MID1: variants seen among roughly 807,000 people sequenced by gnomAD.
MID1 encodes E3 ubiquitin-protein ligase Midline-1.
MID1 carries 7 observed loss-of-function variants against 40.4 expected under a neutral mutation model. The ratio of observed to expected loss-of-function variants is 0.17; its 90% CI spans 0.10 to 0.33. MID1 has a LOEUF of 0.33. MID1 is among the 10% of genes least tolerant of loss of function. The pLI, the probability that MID1 is intolerant of heterozygous loss-of-function variation, is 1.00. For missense variants in MID1, 367 were observed against 558.5 expected (o/e 0.66, Z 3.46); for synonymous variants, 229 against 221.2 (o/e 1.04, Z -0.31).
At chrX:10,699,981 C>T (rs1322093396) in intron 1 of MID1, among the ~76,000 whole-genome samples, 5 of 109,533 alleles carry the variant, frequency 4.6e-5, no homozygotes, top group Non-Finnish European at 9.5e-5. Context: ...TGCCACCACG[C>T]CCGGCTAATT....
chrX:10,675,012 A>ATAGTTTTATATATTT (rs1202777203), intron 1 of MID1, among the ~76,000 whole-genome samples: 1 of 112,544 alleles, frequency 8.9e-6, no homozygotes, highest in Non-Finnish European at 1.9e-5. Flanking sequence ...TATATTTTAT[A>ATAGTTTTATATATTT]ACCTATAGTT....
chrX:10,476,316 G>A (rs1296771541), intron 5 of MID1, among the ~76,000 whole-genome samples: 1 of 110,643 alleles, frequency 9.0e-6, no homozygotes, highest in Non-Finnish European at 1.9e-5. Flanking sequence ...ACACAACAAT[G>A]TGAATGTCCT....
chrX:10,600,666 A>G (rs1935502597), intron 1 of MID1, among the ~76,000 whole-genome samples: 1 of 111,931 alleles, frequency 8.9e-6, no homozygotes, highest in African/African-American at 3.3e-5. Context: ...TCTTACACCA[A>G]CTGTTGCTTC....
chrX:10,593,762 G>GAC (rs57390547), intron 1 of MID1, among the ~76,000 whole-genome samples: 4,913 of 83,154 alleles, frequency 0.059, 130 homozygotes, highest in South Asian at 0.1. Context: ...CTGTCCCTCT[G>GAC]ACACACACAC....
At chrX:10,784,531 C>T (rs1428314223) in intron 1 of MID1, among the ~76,000 whole-genome samples, 9 of 105,396 alleles carry the variant, frequency 8.5e-5, no homozygotes, top group African/African-American at 2.8e-4. Context: ...CTGCAACCTC[C>T]GCCTCCTGGG....
At chrX:10,463,400 C>T (rs756416595) in intron 7 of MID1, among the ~76,000 whole-genome samples, 1 of 111,685 alleles carries the variant, frequency 9.0e-6, no homozygotes, top group Non-Finnish European at 1.9e-5. Flanking sequence ...GGAGCTACAG[C>T]CAGGTTTTGA....
intron 1 of MID1, among the ~76,000 whole-genome samples, chrX:10,778,388 A>ATT (rs1198113016): frequency 1.8e-5 from 2 of 111,531 alleles, no homozygotes; most frequent in African/African-American, 3.3e-5. Flanking sequence ...AGATATATAT[A>ATT]TATTAATAAA....
chrX:10,689,757 A>G (rs768491365), intron 1 of MID1, among the ~76,000 whole-genome samples: 6 of 106,122 alleles, frequency 5.7e-5, no homozygotes, highest in African/African-American at 2.1e-4. Context: ...GTGCCTCTTC[A>G]TGTGGTAGGG....
intron 1 of MID1, among the ~76,000 whole-genome samples, chrX:10,822,511 C>T (rs1459269909): frequency 8.9e-6 from 1 of 111,834 alleles, no homozygotes; most frequent in Non-Finnish European, 1.9e-5. Flanking sequence ...TAAAGAGCTT[C>T]TGCACAGAAA....
intron 1 of MID1, among the ~76,000 whole-genome samples, chrX:10,759,724 C>T (rs1437438489): frequency 1.8e-5 from 2 of 111,621 alleles, no homozygotes; most frequent in Non-Finnish European, 3.8e-5. Flanking sequence ...CAGGAATCTG[C>T]ACCCATTTCA....
chrX:10,586,535 C>T (rs758348292), intron 1 of MID1, among the ~76,000 whole-genome samples: 53 of 111,870 alleles, frequency 4.7e-4, no homozygotes, highest in Admixed American at 2.8e-3. Flanking sequence ...AGTAAGGTGG[C>T]GGGGTTTAGA....
At chrX:10,505,712 TAAGGG>T in intron 3 of MID1, 1 of 754,224 alleles carries the variant, frequency 1.3e-6, no homozygotes, top group Non-Finnish European at 1.6e-6. Flanking sequence ...GTGACGTGTT[TAAGGG>T]AAGGGAAGTT....
At position 10,487,670 on chromosome X, in the gene MID1, G is replaced by T. The variant is rs1930693338; in HGVS notation, c.865-5042C>A. Among the ~76,000 whole-genome samples the T allele has an allele frequency of 2.7e-5, 3 of 111,128 alleles. No individual in the cohort carries two copies. The South Asian group carries it at 1.1e-3, about 42-fold the overall frequency. ...CTTTCCTGTCATCCCATCCCTAAAA[G>T]CAATCATTGATTTGCTTTTTGTCAC... On this transcript the variant is annotated intron_variant, in intron 4 of 9. Transcript: ENST00000317552.
At chrX:10,508,042 C>G (rs1368059407) in intron 3 of MID1, among the ~76,000 whole-genome samples, 1 of 112,225 alleles carries the variant, frequency 8.9e-6, no homozygotes, top group African/African-American at 3.2e-5. Context: ...AAGATGCTAT[C>G]AATGTACAGG....
chrX:10,793,667 C>T (rs948134949), intron 1 of MID1, among the ~76,000 whole-genome samples: 1 of 111,918 alleles, frequency 8.9e-6, no homozygotes, highest in East Asian at 2.8e-4. Context: ...GAGGCCCCAG[C>T]TCCATTGGCT....
chrX:10,678,143 C>T (rs779792032), intron 1 of MID1, among the ~76,000 whole-genome samples: 6 of 111,293 alleles, frequency 5.4e-5, no homozygotes, highest in Non-Finnish European at 7.5e-5. Flanking sequence ...CTTTGTTATA[C>T]GCAATTTAAG....
chrX:10,559,405 CAT>C (rs1226989072), intron 2 of MID1, among the ~76,000 whole-genome samples: 6 of 112,444 alleles, frequency 5.3e-5, no homozygotes, highest in Non-Finnish European at 1.1e-4. Context: ...TTTTAGAAGA[CAT>C]GTGTCTGAGT....
At chrX:10,725,714 T>C (rs957012173) in intron 1 of MID1, among the ~76,000 whole-genome samples, 1 of 111,153 alleles carries the variant, frequency 9.0e-6, no homozygotes, top group Admixed American at 9.6e-5. Flanking sequence ...CAAAAATTTG[T>C]TGGGCGTGGT....
intron 2 of MID1, among the ~76,000 whole-genome samples, chrX:10,543,046 A>C (rs1394531772): frequency 8.9e-6 from 1 of 112,340 alleles, no homozygotes; most frequent in Non-Finnish European, 1.9e-5. Context: ...TGTTAGGTAT[A>C]GGTCAGCTTT....
Sources: gnomAD v4.1 joint callset for allele counts (sites outside exome capture counted in the v4.1 genomes callset) on GRCh38, gnomAD v4.1.1 for gene constraint, MANE v1.5 for transcripts, NCBI Gene and HGNC (gene_info 2026-07-23, HGNC 2026-07-21) for gene names.